Variants in RIMS2 observed in about 807,000 individuals in gnomAD.
The protein encoded by RIMS2 is regulating synaptic membrane exocytosis 2.
RIMS2 carries 59 observed loss-of-function variants against 174.4 expected under a neutral mutation model. The ratio of observed to expected loss-of-function variants is 0.34; its 90% CI spans 0.27 to 0.42. The LOEUF (loss-of-function observed/expected upper bound fraction) is 0.42. Among genes scored for constraint, RIMS2 ranks in the 10% least tolerant of loss-of-function variants. The pLI is 1.00. For missense variants in RIMS2, 1,620 were observed against 1,666.3 expected, an observed-to-expected ratio of 0.97 and a Z score of 0.48; for synonymous variants, 606 against 572.5, an observed-to-expected ratio of 1.06 and a Z score of -0.84.
chr8:103,618,627 C>T (rs968022513), intron 1 of RIMS2, among the ~76,000 whole-genome samples: 1 of 152,074 alleles, frequency 6.6e-6, no homozygotes, highest in Non-Finnish European at 1.5e-5. Context: ...ATTTCCCACC[C>T]CTCTTCTTCT....
rs1480881448 is a variant in RIMS2, at chr8:103,982,852, GC to G, written c.2928-6450del. 1.2e-4 allele frequency among the ~76,000 whole-genome samples: 19 copies of G among 152,234 alleles called. No homozygotes were observed. In the East Asian group the frequency reaches 3.1e-3, roughly 25 times the overall value. On this transcript the variant is annotated intron_variant, in intron 16 of 23. Transcript: ENST00000504942. ...CTAAGATCTGGAACATGGCAAGGAC[GC>G]CCAGTTTCACCACTCTTATTCAGCA...
chr8:104,002,503 A>G (rs2095428099), intron 17 of RIMS2, among the ~76,000 whole-genome samples: 1 of 152,174 alleles, frequency 6.6e-6, no homozygotes, highest in African/African-American at 2.4e-5. Context: ...ATAAAAAGTA[A>G]CTTTTTTATT....
At chr8:103,592,321 A>T (rs1203653269) in intron 1 of RIMS2, among the ~76,000 whole-genome samples, 1 of 151,188 alleles carries the variant, frequency 6.6e-6, no homozygotes, top group African/African-American at 2.4e-5. Flanking sequence ...AATAAAACAT[A>T]TTCTTCCATT....
intron 19 of RIMS2, among the ~76,000 whole-genome samples, chr8:104,221,399 A>C (rs1352644043): frequency 2.0e-5 from 3 of 152,188 alleles, no homozygotes; most frequent in Non-Finnish European, 4.4e-5. Context: ...TGTGACCCAC[A>C]GTTTAAAAAA....
chr8:104,005,957 G>T (rs1429112548), intron 17 of RIMS2, among the ~76,000 whole-genome samples: 3 of 151,934 alleles, frequency 2.0e-5, no homozygotes, highest in African/African-American at 7.3e-5. Flanking sequence ...TTTTCTTAAA[G>T]ATTCCCTACA....
intron 19 of RIMS2, among the ~76,000 whole-genome samples, chr8:104,065,001 A>C (rs189815563): frequency 4.6e-5 from 7 of 152,114 alleles, no homozygotes; most frequent in African/African-American, 1.4e-4. Context: ...TTAATCTTAG[A>C]GATTCCTAGA....
intron 1 of RIMS2, among the ~76,000 whole-genome samples, chr8:103,575,681 C>T (rs112756352): frequency 0.38 from 53,147 of 141,076 alleles, 10,393 homozygotes; most frequent in East Asian, 0.73. Flanking sequence ...TACACACACA[C>T]ACACATATAT....
chr8:104,112,632 A>G (rs1334698735), intron 19 of RIMS2, among the ~76,000 whole-genome samples: 1 of 152,228 alleles, frequency 6.6e-6, no homozygotes, highest in Non-Finnish European at 1.5e-5. Context: ...TTCAATCTGT[A>G]TAAATGATTA....
Position 104,022,091 on chromosome 8 carries a change from CA to C in RIMS2, c.3334+7478del, listed in dbSNP as rs1341153184. 2.0e-5 allele frequency among the ~76,000 whole-genome samples: 3 copies of C among 151,922 alleles called. No homozygotes were observed. The East Asian group carries it at 5.8e-4, about 29-fold the overall frequency. ...ATCTCAAAAGACCATATTAGGTTTA[CA>C]ATAGTGATGTTATCTACAGAAGTAA... On this transcript the variant is annotated intron_variant, in intron 19 of 23. Transcript: ENST00000504942.
chr8:103,856,499 T>C (rs901549208), intron 3 of RIMS2, among the ~76,000 whole-genome samples: 2 of 152,246 alleles, frequency 1.3e-5, no homozygotes, highest in Non-Finnish European at 2.9e-5. Context: ...GAAGCTGTCT[T>C]GTCTGCTACA....
chr8:103,547,211 G>C (rs1333237922), intron 1 of RIMS2, among the ~76,000 whole-genome samples: 1 of 152,138 alleles, frequency 6.6e-6, no homozygotes, highest in Non-Finnish European at 1.5e-5. Context: ...AAAGTGAGAA[G>C]AACAATAGGG....
At chr8:104,166,482 G>A (rs2098799050) in intron 19 of RIMS2, among the ~76,000 whole-genome samples, 1 of 152,046 alleles carries the variant, frequency 6.6e-6, no homozygotes, top group Non-Finnish European at 1.5e-5. Context: ...TGTAGAGTAA[G>A]TTCAGAAAAA....
intron 3 of RIMS2, among the ~76,000 whole-genome samples, chr8:103,837,152 A>G (rs1024727996): frequency 6.6e-6 from 1 of 152,234 alleles, no homozygotes; most frequent in Non-Finnish European, 1.5e-5. Flanking sequence ...TTGCAGTTCT[A>G]TAGGTCAGAA....
At chr8:103,564,216 A>T (rs781629973) in intron 1 of RIMS2, among the ~76,000 whole-genome samples, 1 of 152,148 alleles carries the variant, frequency 6.6e-6, no homozygotes, top group Non-Finnish European at 1.5e-5. Flanking sequence ...TTGAAATATG[A>T]TTACGTGCAA....
At chr8:103,508,454 T>C (rs1824748175) in intron 1 of RIMS2, among the ~76,000 whole-genome samples, 1 of 41,238 alleles carries the variant, frequency 2.4e-5, no homozygotes, top group Non-Finnish European at 6.0e-5. Flanking sequence ...ACCTTTCATT[T>C]GTTAAAAAAA....
exon 8 of RIMS2, chr8:103,916,477 A>G: frequency 6.2e-7 from 1 of 1,611,246 alleles, no homozygotes; most frequent in Non-Finnish European, 8.5e-7. Context: ...GAAGTGTACA[A>G]CATCATTCTA....
chr8:104,135,009 CA>C (rs33946246), intron 19 of RIMS2, among the ~76,000 whole-genome samples: 2 of 151,522 alleles, frequency 1.3e-5, no homozygotes, highest in African/African-American at 4.8e-5. Context: ...ATTTTTGGTG[CA>C]AAAAAAATTT....
chr8:103,822,685 C>T (rs185285232), intron 3 of RIMS2, among the ~76,000 whole-genome samples: 1 of 151,910 alleles, frequency 6.6e-6, no homozygotes, highest in African/African-American at 2.4e-5. Context: ...AACAACTGGA[C>T]GTCTAGCAAA....
intron 1 of RIMS2, among the ~76,000 whole-genome samples, chr8:103,619,581 A>C (rs956907931): frequency 6.6e-6 from 1 of 152,146 alleles, no homozygotes; most frequent in African/African-American, 2.4e-5. Context: ...AACAGTGGGG[A>C]AGAAAAGAAA....
Sources: gnomAD v4.1 joint callset for allele counts (sites outside exome capture counted in the v4.1 genomes callset) on GRCh38, gnomAD v4.1.1 for gene constraint, MANE v1.5 for transcripts, NCBI Gene and HGNC (gene_info 2026-07-23, HGNC 2026-07-21) for gene names.